Variants in CDH23 observed in about 807,000 individuals in gnomAD.
CDH23 encodes the protein cadherin-23.
CDH23 carries 189 observed loss-of-function variants against 317.1 expected under a neutral mutation model. That is an observed-to-expected ratio of 0.60 (90% CI 0.53 to 0.67). The LOEUF (loss-of-function observed/expected upper bound fraction) is 0.67. Ranked by LOEUF, CDH23 falls within the 30% of genes least tolerant of loss-of-function variation. CDH23 has a pLI of 0.00. For missense variants in CDH23, 4,401 were observed against 4,592.4 expected, an observed-to-expected ratio of 0.96 and a Z score of 1.20; for synonymous variants, 1,839 against 1,876.8, an observed-to-expected ratio of 0.98 and a Z score of 0.52.
Position 71,436,863 on chromosome 10 carries a change from C to G in CDH23, c.-5-2964C>G, listed in dbSNP as rs1475443598. ...GAGTTTTTTCTGTAGAAGATACTCA[C>G]TCACTGTGAGATGTCAGATTGTCAC... is the stretch of plus-strand genomic sequence containing the variant. On this transcript the variant is annotated intron_variant, in intron 1 of 69. Transcript: ENST00000224721. 2.0e-5 allele frequency among the ~76,000 whole-genome samples: 3 copies of G among 152,202 alleles called. 1 individual carries two copies. The highest frequency in any genetic ancestry group is 1.3e-4 in the Admixed American group (2 of 15,280).
intron 28 of CDH23, chr10:71,719,922 C>T (rs1866470822): frequency 6.5e-6 from 1 of 152,754 alleles, no homozygotes; most frequent in South Asian, 2.1e-4. Flanking sequence ...CTCTGGGATG[C>T]CCCCTGGCCT....
chr10:71,759,998 CATACAT>C (rs1395169120), intron 38 of CDH23, among the ~76,000 whole-genome samples: 908 of 49,478 alleles, frequency 0.018, 126 homozygotes, highest in Non-Finnish European at 0.033. Flanking sequence ...TACACACACA[CATACAT>C]ATATATACAC....
At chr10:71,463,297 G>A (rs1851095884) in intron 3 of CDH23, among the ~76,000 whole-genome samples, 1 of 152,164 alleles carries the variant, frequency 6.6e-6, no homozygotes, top group South Asian at 2.1e-4. Context: ...TGGTGAGATG[G>A]CACATGACAT....
intron 38 of CDH23, chr10:71,755,202 T>C: frequency 1.3e-6 from 1 of 768,864 alleles, no homozygotes; most frequent in Non-Finnish European, 2.2e-6. Context: ...TCTCGGCCAT[T>C]TCGCCCAGCT....
chr10:71,795,372 T>A (rs1319209782), intron 48 of CDH23, among the ~76,000 whole-genome samples: 2 of 152,054 alleles, frequency 1.3e-5, no homozygotes, highest in African/African-American at 2.4e-5. Context: ...ACCAGCTACA[T>A]CCCAGGTTAG....
At chr10:71,785,760 G>T in intron 44 of CDH23, 22 bp downstream of exon 44, 1 of 1,462,914 alleles carries the variant, frequency 6.8e-7, no homozygotes, top group Non-Finnish European at 9.5e-7. Context: ...GGGCACTGGT[G>T]GGAGTGGGCT....
intron 48 of CDH23, among the ~76,000 whole-genome samples, chr10:71,796,297 T>C (rs1220147026): frequency 6.6e-6 from 1 of 152,062 alleles, no homozygotes; most frequent in Non-Finnish European, 1.5e-5. Flanking sequence ...CCAAACTAGG[T>C]CTGTCCAGTC....
chr10:71,617,658 T>A, intron 11 of CDH23: 1 of 490,144 alleles, frequency 2.0e-6, no homozygotes, highest in Non-Finnish European at 2.7e-6. Context: ...ATCATCATAC[T>A]AATCTAGTAG....
intron 11 of CDH23, among the ~76,000 whole-genome samples, chr10:71,643,147 GA>G (rs1862645128): frequency 6.6e-6 from 1 of 152,204 alleles, no homozygotes; most frequent in South Asian, 2.1e-4. Flanking sequence ...AGTTCTAAGT[GA>G]AAAGACTGGA....
chr10:71,766,869 T>C (rs1030620635), intron 38 of CDH23, among the ~76,000 whole-genome samples: 18 of 152,238 alleles, frequency 1.2e-4, no homozygotes, highest in African/African-American at 4.3e-4. Flanking sequence ...GCGGGGCTGA[T>C]GCCTCATCCT....
At chr10:71,555,198 G>C (rs1167364204) in intron 6 of CDH23, among the ~76,000 whole-genome samples, 1 of 152,110 alleles carries the variant, frequency 6.6e-6, no homozygotes, top group East Asian at 1.9e-4. Flanking sequence ...CCATTTCATG[G>C]AGAGGAAAAC....
intron 6 of CDH23, among the ~76,000 whole-genome samples, chr10:71,560,312 T>C (rs900164531): frequency 1.3e-5 from 2 of 152,186 alleles, no homozygotes; most frequent in African/African-American, 4.8e-5. Context: ...TTTCTTATTC[T>C]CAGTGAAAGT....
intron 14 of CDH23, among the ~76,000 whole-genome samples, chr10:71,654,776 G>T (rs1297951762): frequency 6.6e-6 from 1 of 152,168 alleles, no homozygotes; most frequent in Non-Finnish European, 1.5e-5. Flanking sequence ...TGGGAGTTCT[G>T]AGCAGGCGCA....
intron 9 of CDH23, among the ~76,000 whole-genome samples, chr10:71,599,952 C>G (rs10999910): frequency 0.019 from 2,780 of 148,334 alleles, 180 homozygotes; most frequent in East Asian, 0.16. Context: ...TGGAGGGAAA[C>G]TGTGGGAATA....
intron 6 of CDH23, among the ~76,000 whole-genome samples, chr10:71,523,911 T>TC (rs1432873281): frequency 6.6e-6 from 1 of 152,162 alleles, no homozygotes; most frequent in East Asian, 1.9e-4. Context: ...TTCCTGCACC[T>TC]CCACCTTCTT....
At chr10:71,400,366 C>G (rs1257219019) in intron 1 of CDH23, among the ~76,000 whole-genome samples, 1 of 152,234 alleles carries the variant, frequency 6.6e-6, no homozygotes, top group Non-Finnish European at 1.5e-5. Context: ...CTAAGCTAGC[C>G]TCTTTCCCAG....
chr10:71,777,841 A>T lies in CDH23; in HGVS notation c.5007A>T (p.Thr1669=). The T allele has an allele frequency of 6.2e-7, 1 of 1,613,976 alleles. No homozygotes were observed. The highest frequency in any genetic ancestry group is 1.3e-5 in the African/African-American group (1 of 75,040). ...ALDLDEGPNG[T]VTYAIVAGNI... ...ACCTGGATGAGGGTCCCAACGGCAC[A>T]GTCACCTATGCCATCGTCGCAGGCA... Residue 1669 remains threonine (T), a synonymous_variant, in exon 39 of 70, where the codon ACA becomes ACT. Transcript: ENST00000224721.
At chr10:71,453,441 G>A (rs1589330184) in intron 3 of CDH23, among the ~76,000 whole-genome samples, 1 of 152,248 alleles carries the variant, frequency 6.6e-6, no homozygotes, top group South Asian at 2.1e-4. Context: ...GAGCTGAATG[G>A]GAGGCCAGGG....
chr10:71,641,353 C>T (rs1862542737), intron 11 of CDH23, among the ~76,000 whole-genome samples: 1 of 152,172 alleles, frequency 6.6e-6, no homozygotes, highest in East Asian at 1.9e-4. Flanking sequence ...CGGTGTGATT[C>T]GCACGTGGCT....
Sources: allele counts gnomAD v4.1 joint callset (sites outside exome capture counted in the v4.1 genomes callset), GRCh38; gene constraint gnomAD v4.1.1; transcripts MANE v1.5; gene names NCBI Gene and HGNC (gene_info 2026-07-23, HGNC 2026-07-21).